COL23A1: variants seen among roughly 807,000 people sequenced by gnomAD.
The protein encoded by COL23A1 is collagen alpha-1(XXIII) chain.
In COL23A1, 97 loss-of-function variants were observed where a neutral mutation model predicts 99.3. The observed-to-expected ratio is 0.98, with a 90% confidence interval of 0.83 to 1.16. COL23A1 has a LOEUF of 1.16. Among genes scored for constraint, COL23A1 ranks in the 50% most tolerant of loss-of-function variants. COL23A1 has a pLI of 0.00. For synonymous variants in COL23A1, 320 were observed against 308.2 expected, an observed-to-expected ratio of 1.04 and a Z score of -0.40; for missense variants, 762 against 757.4, an observed-to-expected ratio of 1.01 and a Z score of -0.07.
At chr5:178,383,794 T>C (rs1034875550) in intron 2 of COL23A1, among the ~76,000 whole-genome samples, 15 of 151,496 alleles carry the variant, frequency 9.9e-5, no homozygotes, top group African/African-American at 3.6e-4. Flanking sequence ...GGGAAAACCG[T>C]GCATGACTTC....
At chr5:178,512,812 C>A (rs1370381721) in intron 2 of COL23A1, among the ~76,000 whole-genome samples, 1 of 152,206 alleles carries the variant, frequency 6.6e-6, no homozygotes, top group Non-Finnish European at 1.5e-5. Flanking sequence ...ACCCGTGACC[C>A]AATCTGACAG....
At chr5:178,536,561 C>T (rs1202519716) in intron 2 of COL23A1, among the ~76,000 whole-genome samples, 3 of 152,252 alleles carry the variant, frequency 2.0e-5, no homozygotes, top group African/African-American at 4.8e-5. Flanking sequence ...CACCCTCAGT[C>T]CCCTGCAAGG....
At chr5:178,580,121 A>G (rs1054685048) in intron 1 of COL23A1, among the ~76,000 whole-genome samples, 9 of 152,162 alleles carry the variant, frequency 5.9e-5, no homozygotes, top group African/African-American at 1.9e-4. Context: ...TGAGATCAGG[A>G]GTTAGAGAAC....
Position 178,308,068 on chromosome 5 carries a change from T to C in COL23A1, c.362-1149A>G, listed in dbSNP as rs544831923. Among the ~76,000 whole-genome samples the C allele has an allele frequency of 6.6e-6, 1 of 151,668 alleles. No individual in the cohort carries two copies. The highest frequency in any genetic ancestry group is 2.1e-4 in the South Asian group (1 of 4,816). On this transcript the variant is annotated intron_variant, in intron 2 of 28. Coordinates refer to ENST00000390654, the MANE Select transcript of COL23A1 (RefSeq NM_173465.4). The surrounding 1 kb of genome is among the most constrained non-coding windows in gnomAD (Gnocchi z 5.1). ...CTCTATGTATGTGTGTTTGTGTGCA[T>C]GTGTGTGTCTGTGTTTTTGTGTCTG...
intron 2 of COL23A1, among the ~76,000 whole-genome samples, chr5:178,548,220 T>C (rs1761816028): frequency 6.6e-6 from 1 of 151,458 alleles, no homozygotes; most frequent in Non-Finnish European, 1.5e-5. Flanking sequence ...GTAGTCAGAA[T>C]CACTGTGACA....
intron 2 of COL23A1, among the ~76,000 whole-genome samples, chr5:178,357,798 G>A (rs888415908): frequency 6.2e-5 from 7 of 112,240 alleles, no homozygotes; most frequent in South Asian, 5.3e-4. Context: ...GTGTGTGTAT[G>A]TGTGTGTGTA....
chr5:178,549,950 A>T (rs910967498), intron 2 of COL23A1, among the ~76,000 whole-genome samples: 1 of 152,226 alleles, frequency 6.6e-6, no homozygotes, highest in Non-Finnish European at 1.5e-5. Flanking sequence ...TTTTTTATAT[A>T]TTTGAAACAT....
At chr5:178,268,820 G>C in intron 6 of COL23A1, 64 bp from the exon 7 acceptor site, 1 of 1,545,506 alleles carries the variant, frequency 6.5e-7, no homozygotes, top group Non-Finnish European at 8.8e-7. Context: ...TCCCCTTCTG[G>C]CTTCCCTATA....
At chr5:178,383,939 TAG>T (rs1260151070) in intron 2 of COL23A1, among the ~76,000 whole-genome samples, 1 of 149,296 alleles carries the variant, frequency 6.7e-6, no homozygotes, top group Admixed American at 6.7e-5. Context: ...CATGAATGGC[TAG>T]AGAGTTAAGA....
At chr5:178,455,915 G>C (rs754928271) in intron 2 of COL23A1, among the ~76,000 whole-genome samples, 2 of 151,950 alleles carry the variant, frequency 1.3e-5, no homozygotes, top group African/African-American at 4.8e-5. Context: ...GGTGTATTTC[G>C]AAGAATAAAC....
chr5:178,426,535 G>C (rs1376333472), intron 2 of COL23A1, among the ~76,000 whole-genome samples: 1 of 152,244 alleles, frequency 6.6e-6, no homozygotes, highest in Admixed American at 6.5e-5. Flanking sequence ...TCCGGGCGCA[G>C]ATCCTGCTCT....
At chr5:178,492,876 C>T (rs1003201171) in intron 2 of COL23A1, among the ~76,000 whole-genome samples, 2 of 152,064 alleles carry the variant, frequency 1.3e-5, no homozygotes, top group Non-Finnish European at 2.9e-5. Flanking sequence ...AGTGGCTGAA[C>T]TTCTCTGTGC....
intron 12 of COL23A1, among the ~76,000 whole-genome samples, chr5:178,258,697 G>T (rs28713290): frequency 0.087 from 13,095 of 150,814 alleles, 593 homozygotes; most frequent in Middle Eastern, 0.11. Flanking sequence ...TCTGGGTCTG[G>T]TTTTTTTTGG....
At chr5:178,560,058 A>C (rs1239794114) in intron 2 of COL23A1, among the ~76,000 whole-genome samples, 1 of 152,174 alleles carries the variant, frequency 6.6e-6, no homozygotes, top group Non-Finnish European at 1.5e-5. Flanking sequence ...GCCTGTGCAA[A>C]GCTCCCCTGA....
intron 3 of COL23A1, among the ~76,000 whole-genome samples, chr5:178,302,464 C>T (rs1758127177): frequency 6.6e-6 from 1 of 152,024 alleles, no homozygotes; most frequent in Non-Finnish European, 1.5e-5. Context: ...TGCCGGAGCA[C>T]GGCTTCAATG....
intron 2 of COL23A1, among the ~76,000 whole-genome samples, chr5:178,470,146 C>T (rs1756662584): frequency 6.6e-6 from 1 of 152,202 alleles, no homozygotes; most frequent in African/African-American, 2.4e-5. Flanking sequence ...GCGGGCTAAA[C>T]ACATAAATTA....
chr5:178,368,593 T>C (rs1457233350), intron 2 of COL23A1, among the ~76,000 whole-genome samples: 1 of 152,170 alleles, frequency 6.6e-6, no homozygotes, highest in Non-Finnish European at 1.5e-5. Context: ...GCTCCATCCA[T>C]ATACCTCTCC....
intron 1 of COL23A1, among the ~76,000 whole-genome samples, chr5:178,572,072 C>CAAAAAAA (rs57863132): frequency 9.1e-6 from 1 of 109,496 alleles, no homozygotes; most frequent in African/African-American, 3.9e-5. Flanking sequence ...TTTCTCAAAA[C>CAAAAAAA]AAAAAAAAAA....
At chr5:178,476,213 G>C (rs1448465843) in intron 2 of COL23A1, among the ~76,000 whole-genome samples, 1 of 152,112 alleles carries the variant, frequency 6.6e-6, no homozygotes. Context: ...ATAGGAAATG[G>C]CGCATACAGC....
Sources: gnomAD v4.1 joint callset for allele counts (sites outside exome capture counted in the v4.1 genomes callset) on GRCh38, gnomAD v4.1.1 for gene constraint, Gnocchi (gnomAD v3.1) non-coding constraint, MANE v1.5 for transcripts, NCBI Gene and HGNC (gene_info 2026-07-23, HGNC 2026-07-21) for gene names.